Variants in ADCY10 observed in about 807,000 individuals in gnomAD.
ADCY10 encodes the protein adenylate cyclase 10.
A neutral mutation model predicts 183.3 loss-of-function variants in ADCY10; 156 were observed. That is an observed-to-expected ratio of 0.85 (90% CI 0.75 to 0.97). The LOEUF (loss-of-function observed/expected upper bound fraction) is 0.97. Ranked by LOEUF, ADCY10 falls within the 50% of genes least tolerant of loss-of-function variation. The probability of loss-of-function intolerance (pLI) is 0.00; values close to 1 mark genes in which losing one functional copy is unlikely to be tolerated. For missense variants in ADCY10, 1,745 were observed against 1,934.3 expected, an observed-to-expected ratio of 0.90 and a Z score of 1.84; for synonymous variants, 645 against 670.0, an observed-to-expected ratio of 0.96 and a Z score of 0.58.
intron 32 of ADCY10, 151 bp from the exon 33 acceptor site, chr1:167,809,990 C>G: frequency 1.1e-5 from 8 of 738,264 alleles, no homozygotes; most frequent in Non-Finnish European, 1.9e-5. Context: ...AACTAGGATA[C>G]TGACACAGCC....
intron 26 of ADCY10, 100 bp downstream of exon 26, chr1:167,829,167 A>T: frequency 7.1e-7 from 1 of 1,413,848 alleles, no homozygotes; most frequent in Non-Finnish European, 9.9e-7. Flanking sequence ...GCCTTCTATT[A>T]TTATATCCTC....
chr1:167,911,735 C>T (rs752884159), intron 1 of ADCY10, among the ~76,000 whole-genome samples: 22 of 152,164 alleles, frequency 1.4e-4, no homozygotes, highest in Non-Finnish European at 2.5e-4. Context: ...AATTTATGTT[C>T]AAGTGCTATT....
At position 167,845,809 on chromosome 1, in the gene ADCY10, T is replaced by A; in HGVS notation, c.2761A>T (p.Ile921Phe). ...EQLRELENEV[I>F]ECHRIRFCNP... ...CAGAATCGAATCCTGTGGCACTCGA[T>A]CACCTCATTCTCCAGTTCACGAAGC... The change falls in exon 21 of 33, where the codon ATC becomes TTC. Residue 921 changes from isoleucine to phenylalanine, a missense_variant. Physicochemically the swap from Ile to Phe is conservative, Grantham distance 21. Coordinates refer to ENST00000367851, the MANE Select transcript of ADCY10 (RefSeq NM_018417.6). 1.9e-6 allele frequency: 3 copies of A among 1,614,194 alleles called. No homozygotes were observed. The highest frequency in any genetic ancestry group is 2.5e-6 in the Non-Finnish European group (3 of 1,180,052).
chr1:167,874,066 T>C (rs1400002749), intron 13 of ADCY10, among the ~76,000 whole-genome samples: 1 of 152,230 alleles, frequency 6.6e-6, no homozygotes, highest in Non-Finnish European at 1.5e-5. Flanking sequence ...GCACAGTGGC[T>C]CACGCCTGTA....
In ADCY10 at chr1:167,809,405, AT is replaced by A. The variant is rs1662059705; in HGVS notation, c.*272del. On this transcript the variant is annotated 3_prime_UTR_variant, in exon 33 of 33. Transcript: ENST00000367851. ...ACCATCTTGAGATTAATAATTTGTA[AT>A]ATGATACAGTTTTGCATGGGCTGAA... is the stretch of plus-strand genomic sequence containing the variant. 2.4e-6 allele frequency: 1 copy of A among 413,962 alleles called. No homozygotes were observed. Among genetic ancestry groups the A allele is most frequent in the Non-Finnish European group, 4.4e-6 (1 of 227,922 alleles). 25.6% of individuals were successfully genotyped at this position (413,962 alleles called of 1,614,324 possible).
chr1:167,824,371 A>G, intron 28 of ADCY10, 105 bp downstream of exon 28: 1 of 934,062 alleles, frequency 1.1e-6, no homozygotes, highest in Non-Finnish European at 1.8e-6. Context: ...CTTACTGCAA[A>G]CTCTACTCCC....
At chr1:167,909,839 C>T (rs1015229961) in intron 1 of ADCY10, among the ~76,000 whole-genome samples, 8 of 152,092 alleles carry the variant, frequency 5.3e-5, no homozygotes, top group African/African-American at 1.9e-4. Flanking sequence ...AGGAGACAGG[C>T]CATTTCTCTT....
Position 167,842,274 on chromosome 1 carries a change from G to A in ADCY10, c.3007+3289C>T, listed in dbSNP as rs554798891. Among the ~76,000 whole-genome samples the A allele has an allele frequency of 1.6e-4, 24 of 152,200 alleles. 2 individuals are homozygous for A. In the South Asian group the frequency reaches 4.8e-3, roughly 30 times the overall value. Reference sequence around the variant, plus strand: ...CCCACCTCAACTTCCTGAGAAACTGGGACTATAGATGTGTGCCATCATACC... The same window carrying A: ...CCCACCTCAACTTCCTGAGAAACTGAGACTATAGATGTGTGCCATCATACC... On this transcript the variant is annotated intron_variant, in intron 21 of 32. Transcript: ENST00000367851.
At chr1:167,843,627 C>T (rs1448123253) in intron 21 of ADCY10, among the ~76,000 whole-genome samples, 1 of 152,150 alleles carries the variant, frequency 6.6e-6, no homozygotes, top group African/African-American at 2.4e-5. Context: ...CTGGGAAGAA[C>T]TTAAAATGGT....
At chr1:167,882,211 G>A (rs570701526) in intron 9 of ADCY10, among the ~76,000 whole-genome samples, 2 of 152,290 alleles carry the variant, frequency 1.3e-5, no homozygotes, top group South Asian at 4.1e-4. Context: ...AAGACCAGGT[G>A]CAGTGGCTCA....
At chr1:167,875,311 C>A in intron 12 of ADCY10, 125 bp from the exon 13 acceptor site, 1 of 974,060 alleles carries the variant, frequency 1.0e-6, no homozygotes, top group Non-Finnish European at 1.6e-6. Flanking sequence ...TATCCCCTGA[C>A]TCACGGGTCG....
chr1:167,856,685 T>C (rs1438959738), intron 16 of ADCY10, among the ~76,000 whole-genome samples: 2 of 152,224 alleles, frequency 1.3e-5, no homozygotes, highest in South Asian at 2.1e-4. Flanking sequence ...TGTGTAAAGA[T>C]AGTGCAAATT....
At chr1:167,860,062 T>G (rs759274209) in intron 15 of ADCY10, among the ~76,000 whole-genome samples, 169 bp from the exon 16 acceptor site, 18 of 152,166 alleles carry the variant, frequency 1.2e-4, no homozygotes, top group Non-Finnish European at 2.5e-4. Flanking sequence ...GGAAAACAAT[T>G]TTTTCATGAA....
At chr1:167,840,391 C>G (rs1664535369) in intron 21 of ADCY10, among the ~76,000 whole-genome samples, 1 of 138,498 alleles carries the variant, frequency 7.2e-6, no homozygotes, top group South Asian at 2.2e-4. Context: ...GAGTTTCACT[C>G]TGTTGCCTAG....
chr1:167,876,569 T>C (rs1041852767), intron 12 of ADCY10, among the ~76,000 whole-genome samples: 2 of 152,198 alleles, frequency 1.3e-5, no homozygotes, highest in African/African-American at 2.4e-5. Flanking sequence ...CCCCACTTGA[T>C]TGTGAGTTTT....
intron 21 of ADCY10, among the ~76,000 whole-genome samples, chr1:167,845,028 T>G (rs1284841075): frequency 6.6e-6 from 1 of 152,182 alleles, no homozygotes; most frequent in African/African-American, 2.4e-5. Flanking sequence ...CTGGTTGGTA[T>G]TATTGGCTTG....
intron 13 of ADCY10, among the ~76,000 whole-genome samples, chr1:167,873,823 CTA>C (rs1244797304): frequency 6.6e-6 from 1 of 152,016 alleles, no homozygotes; most frequent in Non-Finnish European, 1.5e-5. Flanking sequence ...GAAGCACTAA[CTA>C]TAAAAGACAG....
At chr1:167,840,053 TAA>T (rs576014779) in intron 21 of ADCY10, among the ~76,000 whole-genome samples, 40 of 121,496 alleles carry the variant, frequency 3.3e-4, no homozygotes, top group South Asian at 7.6e-4. Context: ...GACCTGTCTA[TAA>T]AAAAAAAAAA....
At chr1:167,884,542 C>A (rs1668087572) in intron 8 of ADCY10, among the ~76,000 whole-genome samples, 1 of 152,154 alleles carries the variant, frequency 6.6e-6, no homozygotes, top group African/African-American at 2.4e-5. Context: ...ACTATAGTTA[C>A]CCTGTTGTAC....
Sources: allele counts gnomAD v4.1 joint callset (sites outside exome capture counted in the v4.1 genomes callset), GRCh38; gene constraint gnomAD v4.1.1; transcripts MANE v1.5; gene names NCBI Gene and HGNC (gene_info 2026-07-23, HGNC 2026-07-21).